CNOT10: variants seen among roughly 807,000 people sequenced by gnomAD.
CNOT10 encodes the protein CCR4-NOT transcription complex subunit 10, also known as CCR4-NOT transcription complex, subunit 10.
In CNOT10, 30 loss-of-function variants were observed where a neutral mutation model predicts 94.6. That is an observed-to-expected ratio of 0.32 (90% CI 0.24 to 0.43). The LOEUF (loss-of-function observed/expected upper bound fraction) is 0.43. Among genes scored for constraint, CNOT10 ranks in the 20% least tolerant of loss-of-function variants. CNOT10 has a pLI of 1.00. For missense variants in CNOT10, 759 were observed against 877.2 expected, an observed-to-expected ratio of 0.87 and a Z score of 1.70; for synonymous variants, 289 against 301.6, an observed-to-expected ratio of 0.96 and a Z score of 0.43.
chr3:32,744,679 A>G (rs1699617552), intron 13 of CNOT10, among the ~76,000 whole-genome samples: 1 of 152,178 alleles, frequency 6.6e-6, no homozygotes, highest in South Asian at 2.1e-4. Context: ...TTTAACTGTT[A>G]AGGTTTGGAT....
At chr3:32,685,578 A>G (rs1696560739) in intron 1 of CNOT10, 96 bp downstream of exon 1, 1 of 1,369,280 alleles carries the variant, frequency 7.3e-7, no homozygotes, top group Non-Finnish European at 1.0e-6. Flanking sequence ...TGGGGACTCC[A>G]GGGCGACTTG....
At chr3:32,730,321 A>G (rs1698885153) in intron 10 of CNOT10, among the ~76,000 whole-genome samples, 1 of 152,082 alleles carries the variant, frequency 6.6e-6, no homozygotes, top group Non-Finnish European at 1.5e-5. Flanking sequence ...CCCTCCCCCT[A>G]GAGGAGAAGG....
chr3:32,700,544 G>C (rs942149649), intron 1 of CNOT10, among the ~76,000 whole-genome samples: 2 of 152,078 alleles, frequency 1.3e-5, no homozygotes, highest in Admixed American at 6.6e-5. Context: ...ACATATCAGG[G>C]GTTTACTCTG....
chr3:32,733,681 A>G, intron 11 of CNOT10, 137 bp downstream of exon 11: 1 of 563,248 alleles, frequency 1.8e-6, no homozygotes, highest in East Asian at 3.4e-5. Flanking sequence ...TGCTATTTCA[A>G]CAAACAGACC....
chr3:32,706,597 T>C lies in CNOT10; in HGVS notation c.279+1625T>C, dbSNP rs866099407. 5.9e-5 allele frequency among the ~76,000 whole-genome samples: 9 copies of C among 152,222 alleles called. No individual in the cohort carries two copies. In the South Asian group the frequency reaches 1.9e-3, roughly 31 times the overall value. On this transcript the variant is annotated intron_variant, in intron 3 of 18. Coordinates refer to ENST00000328834, the MANE Select transcript of CNOT10 (RefSeq NM_015442.3). ...CTTAATGAGTAGTTTTTCTTTTGGCTGGAGCAGTTACTAGACTATTTTGGT... is the reference window on the plus strand; with the variant it reads ...CTTAATGAGTAGTTTTTCTTTTGGCCGGAGCAGTTACTAGACTATTTTGGT...
intron 18 of CNOT10, among the ~76,000 whole-genome samples, 200 bp downstream of exon 18, chr3:32,770,162 G>A (rs550610039): frequency 2.6e-5 from 4 of 151,288 alleles, no homozygotes; most frequent in South Asian, 2.1e-4. Flanking sequence ...GCACGCCACT[G>A]AGCCCAACTA....
At chr3:32,742,743 C>G (rs965799093) in intron 13 of CNOT10, among the ~76,000 whole-genome samples, 6 of 152,182 alleles carry the variant, frequency 3.9e-5, no homozygotes, top group Non-Finnish European at 7.3e-5. Flanking sequence ...CATATCAGCA[C>G]AAACCTTTGT....
rs1212669403 is a variant in CNOT10 at position 32,720,232 on chromosome 3, G to A, written c.862+1G>A. On this transcript the variant is annotated splice_donor_variant, in intron 8 of 18. Transcript: ENST00000328834. LOFTEE classifies it high-confidence loss of function. ...GAGCATCCAGGATTCATGAAAACAG[G>A]TAAAAGAAAATTGTGAAATTTTAAC... 6.8e-7 allele frequency: 1 copy of A among 1,469,968 alleles called. No individual in the cohort carries two copies. Among genetic ancestry groups the A allele is most frequent in the African/African-American group, 1.4e-5 (1 of 72,896 alleles). The allele number at this position is 1,469,968 out of a possible 1,614,324, so 91.1% of individuals were successfully genotyped here. A position where few individuals can be genotyped will look rare whatever the true frequency, so the allele number is the denominator to read the frequency against.
chr3:32,722,914 C>A (rs767704872), intron 8 of CNOT10, among the ~76,000 whole-genome samples: 1 of 151,928 alleles, frequency 6.6e-6, no homozygotes. Context: ...TGTGAGCCAC[C>A]GAGCTCAGTC....
intron 10 of CNOT10, among the ~76,000 whole-genome samples, 168 bp from the exon 11 acceptor site, chr3:32,733,255 A>G (rs1699036017): frequency 6.6e-6 from 1 of 152,196 alleles, no homozygotes; most frequent in Non-Finnish European, 1.5e-5. Flanking sequence ...TCAGCCTTAT[A>G]TACTTTTTCC....
chr3:32,694,043 C>G (rs1016037704), intron 1 of CNOT10, among the ~76,000 whole-genome samples: 1 of 151,136 alleles, frequency 6.6e-6, no homozygotes, highest in African/African-American at 2.4e-5. Flanking sequence ...TGTTAAAATA[C>G]AAAAATTTTG....
At chr3:32,752,457 T>C (rs1364484891) in intron 13 of CNOT10, among the ~76,000 whole-genome samples, 1 of 152,186 alleles carries the variant, frequency 6.6e-6, no homozygotes, top group Non-Finnish European at 1.5e-5. Context: ...ATGCTAAGTC[T>C]CTGTGACTTT....
chr3:32,696,325 AAAGAAG>A (rs1290743533), intron 1 of CNOT10, among the ~76,000 whole-genome samples: 4 of 141,246 alleles, frequency 2.8e-5, no homozygotes, highest in Non-Finnish European at 6.2e-5. Flanking sequence ...CAAAAAAAAA[AAAGAAG>A]AAGAAGAAGA....
intron 9 of CNOT10, among the ~76,000 whole-genome samples, chr3:32,725,837 G>T (rs1286250721): frequency 6.6e-6 from 1 of 152,148 alleles, no homozygotes; most frequent in African/African-American, 2.4e-5. Context: ...ATTTTTCATT[G>T]ATTTGAAAAT....
intron 10 of CNOT10, among the ~76,000 whole-genome samples, chr3:32,728,231 T>C (rs1023681428): frequency 6.6e-6 from 1 of 152,010 alleles, no homozygotes; most frequent in Non-Finnish European, 1.5e-5. Context: ...CCCGACCTTA[T>C]GTGATCTAGC....
At chr3:32,768,702 T>C (rs533073993) in intron 17 of CNOT10, among the ~76,000 whole-genome samples, 1 of 152,368 alleles carries the variant, frequency 6.6e-6, no homozygotes, top group Admixed American at 6.5e-5. Flanking sequence ...ACCTCAGTGT[T>C]GTGGCGAGAG....
chr3:32,727,973 T>G, intron 10 of CNOT10, 103 bp downstream of exon 10: 1 of 740,008 alleles, frequency 1.4e-6, no homozygotes, highest in Non-Finnish European at 2.1e-6. Flanking sequence ...CATAAGACAT[T>G]TCTCTTTTTA....
At chr3:32,727,917 T>A in intron 10 of CNOT10, 47 bp downstream of exon 10, 1 of 1,355,734 alleles carries the variant, frequency 7.4e-7, no homozygotes, top group Non-Finnish European at 1.0e-6. Context: ...TCTCCCCACT[T>A]ACTACATGGA....
chr3:32,708,796 C>CT lies in CNOT10; in HGVS notation c.409dup (p.Tyr137LeufsTer8). The CT allele has an allele frequency of 1.2e-6, 2 of 1,612,470 alleles. No homozygotes were observed. Among genetic ancestry groups the CT allele is most frequent in the Non-Finnish European group, 1.7e-6 (2 of 1,179,586 alleles). ...AGAAGCCATATCAGTTGGTGAAAAA[C>CT]TTTATCAGTTCATAGAGCCTTTTGG... On this transcript the variant is annotated frameshift_variant, in exon 4 of 19. Coordinates refer to ENST00000328834, the MANE Select transcript of CNOT10 (RefSeq NM_015442.3). LOFTEE classifies it high-confidence loss of function.
Sources: allele counts gnomAD v4.1 joint callset (sites outside exome capture counted in the v4.1 genomes callset), GRCh38; gene constraint gnomAD v4.1.1; transcripts MANE v1.5; gene names NCBI Gene and HGNC (gene_info 2026-07-23, HGNC 2026-07-21).